Variants in COL23A1 observed in about 807,000 individuals in gnomAD.
The protein encoded by COL23A1 is collagen type XXIII alpha 1 chain.
Under a neutral mutation model 99.3 loss-of-function variants are expected in COL23A1, and 97 were observed. The observed-to-expected ratio is 0.98, with a 90% confidence interval of 0.83 to 1.16. The LOEUF (loss-of-function observed/expected upper bound fraction) is 1.16. Among genes scored for constraint, COL23A1 ranks in the 50% most tolerant of loss-of-function variants. The pLI is 0.00. For synonymous variants in COL23A1, 320 were observed against 308.2 expected, an observed-to-expected ratio of 1.04 and a Z score of -0.40; for missense variants, 762 against 757.4, an observed-to-expected ratio of 1.01 and a Z score of -0.07.
chr5:178,422,488 C>T (rs766819860), intron 2 of COL23A1, among the ~76,000 whole-genome samples: 4 of 152,172 alleles, frequency 2.6e-5, no homozygotes, highest in African/African-American at 7.2e-5. Flanking sequence ...GTAGCAGCTA[C>T]GTGGGCAGCT....
chr5:178,537,657 G>C (rs190865321), intron 2 of COL23A1, among the ~76,000 whole-genome samples: 17 of 152,346 alleles, frequency 1.1e-4, no homozygotes, highest in African/African-American at 4.1e-4. Context: ...CTGTGGGGCA[G>C]CATCCAGCCA....
chr5:178,484,821 CAAAAAAAAA>C (rs397746374), intron 2 of COL23A1, among the ~76,000 whole-genome samples: 1 of 90,436 alleles, frequency 1.1e-5, no homozygotes, highest in Non-Finnish European at 2.2e-5. Flanking sequence ...GACTCTGTCT[CAAAAAAAAA>C]AAAAAAAAAA....
At chr5:178,413,861 G>A (rs1765170103) in intron 2 of COL23A1, among the ~76,000 whole-genome samples, 2 of 152,176 alleles carry the variant, frequency 1.3e-5, no homozygotes, top group Admixed American at 1.3e-4. Context: ...ATTATTTGGG[G>A]AGGTGGGTGG....
rs59066623 is a variant in COL23A1 at position 178,368,073 on chromosome 5, T to G, written c.362-61154A>C. 6.2e-3 allele frequency among the ~76,000 whole-genome samples: 946 copies of G among 152,132 alleles called. 15 individuals carry two copies. The highest frequency in any genetic ancestry group is 0.031 in the Admixed American group (471 of 15,298). On this transcript the variant is annotated intron_variant, in intron 2 of 28. Coordinates refer to ENST00000390654, the MANE Select transcript of COL23A1 (RefSeq NM_173465.4). ...GAAAGGCTGTGTGTGAGCAGAGCCTTGAAGGGAGGGAGGATTTTGATGCGT... is the reference window on the plus strand; with the variant it reads ...GAAAGGCTGTGTGTGAGCAGAGCCTGGAAGGGAGGGAGGATTTTGATGCGT...
At chr5:178,537,967 G>A (rs1761073436) in intron 2 of COL23A1, among the ~76,000 whole-genome samples, 1 of 152,206 alleles carries the variant, frequency 6.6e-6, no homozygotes, top group African/African-American at 2.4e-5. Flanking sequence ...TCCTATGAGT[G>A]GAATCACACA....
At chr5:178,341,629 G>A (rs944219768) in intron 2 of COL23A1, among the ~76,000 whole-genome samples, 2 of 152,156 alleles carry the variant, frequency 1.3e-5, no homozygotes, top group Non-Finnish European at 2.9e-5. Flanking sequence ...AAGAGGCTGG[G>A]GAGCCAGCAC....
chr5:178,343,715 C>T (rs923053831), intron 2 of COL23A1, among the ~76,000 whole-genome samples: 4 of 150,054 alleles, frequency 2.7e-5, no homozygotes, highest in African/African-American at 9.9e-5. Flanking sequence ...CAGGCTGGAG[C>T]GCAGTGGCGT....
chr5:178,369,021 TC>T (rs1227014528), intron 2 of COL23A1, among the ~76,000 whole-genome samples: 3 of 152,128 alleles, frequency 2.0e-5, no homozygotes, highest in African/African-American at 7.2e-5. Flanking sequence ...TTTAGCAAGC[TC>T]CCCGCACACC....
intron 2 of COL23A1, among the ~76,000 whole-genome samples, chr5:178,369,929 G>A (rs972570976): frequency 5.3e-5 from 8 of 152,192 alleles, no homozygotes; most frequent in Non-Finnish European, 1.0e-4. Context: ...GATTTAAGAG[G>A]CAAGACCTTA....
At chr5:178,379,299 G>A (rs1416206194) in intron 2 of COL23A1, among the ~76,000 whole-genome samples, 2 of 152,084 alleles carry the variant, frequency 1.3e-5, no homozygotes, top group African/African-American at 4.8e-5. Flanking sequence ...CAGCACTGTT[G>A]ACCGTAGATG....
At chr5:178,316,934 G>A (rs532400311) in intron 2 of COL23A1, among the ~76,000 whole-genome samples, 41 of 151,878 alleles carry the variant, frequency 2.7e-4, no homozygotes, top group African/African-American at 9.2e-4. Context: ...GAGAGTATAC[G>A]AGTCTTCCAC....
At chr5:178,463,084 C>T (rs1471994041) in intron 2 of COL23A1, among the ~76,000 whole-genome samples, 2 of 152,190 alleles carry the variant, frequency 1.3e-5, no homozygotes, top group Non-Finnish European at 2.9e-5. Flanking sequence ...CGCCTCACCG[C>T]GCAGCGACAC....
chr5:178,455,236 G>C (rs115349120), intron 2 of COL23A1, among the ~76,000 whole-genome samples: 2 of 152,226 alleles, frequency 1.3e-5, no homozygotes, highest in African/African-American at 4.8e-5. Flanking sequence ...CTGGGTCACC[G>C]ATGAAGGCGT....
chr5:178,271,771 G>A (rs536391367), intron 5 of COL23A1, among the ~76,000 whole-genome samples: 15 of 152,364 alleles, frequency 9.8e-5, no homozygotes, highest in South Asian at 2.1e-4. Flanking sequence ...GCATTGTGGC[G>A]ACAGTAACGT....
chr5:178,560,625 T>G (rs1260086837), intron 2 of COL23A1, 57 bp downstream of exon 2: 11 of 1,526,508 alleles, frequency 7.2e-6, no homozygotes, highest in Middle Eastern at 2.1e-4. Flanking sequence ...TTCTCAGCAA[T>G]CCCAAGCAAA....
chr5:178,538,284 A>G (rs1419501721), intron 2 of COL23A1, among the ~76,000 whole-genome samples: 1 of 152,122 alleles, frequency 6.6e-6, no homozygotes, highest in Non-Finnish European at 1.5e-5. Context: ...TCTCTACCTA[A>G]CTGGAGTGAA....
chr5:178,518,061 G>A (rs1759659479), intron 2 of COL23A1, among the ~76,000 whole-genome samples: 1 of 129,384 alleles, frequency 7.7e-6, no homozygotes, highest in African/African-American at 3.4e-5. Context: ...CAGTGTTTGT[G>A]TCCCTGATTA....
At chr5:178,242,911 T>C (rs960742405) in intron 25 of COL23A1, among the ~76,000 whole-genome samples, 31 of 152,138 alleles carry the variant, frequency 2.0e-4, no homozygotes, top group Admixed American at 5.2e-4. Context: ...ATTGGATTCA[T>C]TGTGGCCGGG....
chr5:178,302,216 C>G (rs1415646304), intron 3 of COL23A1, among the ~76,000 whole-genome samples: 1 of 68,052 alleles, frequency 1.5e-5, no homozygotes, highest in Non-Finnish European at 3.6e-5. Context: ...CAATCCACCT[C>G]TGTGTGCGCC....
Sources: allele counts gnomAD v4.1 joint callset (sites outside exome capture counted in the v4.1 genomes callset), GRCh38; gene constraint gnomAD v4.1.1; transcripts MANE v1.5; gene names NCBI Gene and HGNC (gene_info 2026-07-23, HGNC 2026-07-21).